MARCHF4: variants seen among roughly 807,000 people sequenced by gnomAD.
MARCHF4 encodes E3 ubiquitin-protein ligase MARCHF4.
Under a neutral mutation model 43.9 loss-of-function variants are expected in MARCHF4, and 14 were observed. The observed-to-expected ratio is 0.32, with a 90% CI of 0.21 to 0.50. The LOEUF is 0.50. MARCHF4 is among the 20% of genes least tolerant of loss of function. The probability of loss-of-function intolerance (pLI) is 0.98; values close to 1 mark genes in which losing one functional copy is unlikely to be tolerated. For synonymous variants in MARCHF4, 226 were observed against 213.3 expected (o/e 1.06, Z -0.52); for missense variants, 468 against 536.7 (o/e 0.87, Z 1.27).
chr2:216,331,983 AAAAAC>A (rs1333705765), intron 1 of MARCHF4, among the ~76,000 whole-genome samples: 1 of 152,230 alleles, frequency 6.6e-6, no homozygotes, highest in African/African-American at 2.4e-5. Context: ...ATAAAACAAT[AAAAAC>A]AAATATGTAA....
chr2:216,364,486 T>C (rs918640041), intron 1 of MARCHF4, among the ~76,000 whole-genome samples: 48 of 152,152 alleles, frequency 3.2e-4, no homozygotes, highest in Admixed American at 3.9e-4. Flanking sequence ...CTCCCCACAG[T>C]GTGAGGAGTC....
intron 1 of MARCHF4, among the ~76,000 whole-genome samples, chr2:216,300,801 G>A (rs1691481893): frequency 6.6e-6 from 1 of 152,132 alleles, no homozygotes; most frequent in Non-Finnish European, 1.5e-5. Context: ...GGAATTTGAA[G>A]ACTAAAGGAA....
At chr2:216,317,194 T>C (rs1691791727) in intron 1 of MARCHF4, among the ~76,000 whole-genome samples, 1 of 152,188 alleles carries the variant, frequency 6.6e-6, no homozygotes, top group African/African-American at 2.4e-5. Context: ...TGCTGGACAA[T>C]TATCTTATGG....
At chr2:216,364,564 G>C (rs1320506020) in intron 1 of MARCHF4, among the ~76,000 whole-genome samples, 2 of 152,200 alleles carry the variant, frequency 1.3e-5, no homozygotes, top group Non-Finnish European at 2.9e-5. Context: ...TGGAATTCCT[G>C]TCCAGACAGC....
intron 1 of MARCHF4, among the ~76,000 whole-genome samples, chr2:216,320,675 C>CTTTCTTTCTTTCTTTCTTTCT: frequency 3.0e-5 from 1 of 33,106 alleles, no homozygotes; most frequent in Non-Finnish European, 5.7e-5. Context: ...TTCTTTCTTT[C>CTTTCTTTCTTTCTTTCTTTCT]TTTTTTTTTT....
intron 3 of MARCHF4, among the ~76,000 whole-genome samples, chr2:216,273,937 C>T (rs975924595): frequency 1.3e-5 from 2 of 152,182 alleles, no homozygotes; most frequent in Non-Finnish European, 2.9e-5. Context: ...ACATTTTCTC[C>T]TTCTCTCAAA....
intron 1 of MARCHF4, among the ~76,000 whole-genome samples, chr2:216,291,211 A>G (rs1024355529): frequency 1.3e-5 from 2 of 152,090 alleles, no homozygotes; most frequent in Admixed American, 1.3e-4. Context: ...GCAAGAGGAC[A>G]TTTTTCCAAA....
chr2:216,316,363 G>A (rs1691776289), intron 1 of MARCHF4, among the ~76,000 whole-genome samples: 1 of 152,136 alleles, frequency 6.6e-6, no homozygotes, highest in African/African-American at 2.4e-5. Flanking sequence ...TAAAACGGAG[G>A]CCCTATCTTC....
intron 1 of MARCHF4, among the ~76,000 whole-genome samples, chr2:216,311,553 C>T (rs1559096184): frequency 6.6e-6 from 1 of 152,166 alleles, no homozygotes; most frequent in Non-Finnish European, 1.5e-5. Flanking sequence ...CCACTGCACT[C>T]GGCCGTAAAT....
At chr2:216,263,082 G>C (rs926083641) in intron 3 of MARCHF4, among the ~76,000 whole-genome samples, 1 of 152,162 alleles carries the variant, frequency 6.6e-6, no homozygotes, top group Non-Finnish European at 1.5e-5. Context: ...TGAGGACTGA[G>C]TAGGCAGCCA....
intron 1 of MARCHF4, among the ~76,000 whole-genome samples, chr2:216,353,984 G>A (rs1357222315): frequency 6.6e-6 from 1 of 152,180 alleles, no homozygotes; most frequent in East Asian, 1.9e-4. Flanking sequence ...CAGACCCTCT[G>A]GTGGCTTCCA....
chr2:216,324,350 G>A (rs1293095395), intron 1 of MARCHF4, among the ~76,000 whole-genome samples: 3 of 146,470 alleles, frequency 2.0e-5, no homozygotes, highest in African/African-American at 7.6e-5. Flanking sequence ...AAGAGTCCAG[G>A]ACCAGATGGA....
At position 216,370,799 on chromosome 2, in the gene MARCHF4, G is replaced by C. The variant is rs1380739939; in HGVS notation, c.-539C>G. ...GAAAACTAGCTCAATGAAGAATTGA[G>C]GACTGCATGTGTGAGAGAGAAAAGA... On this transcript the variant is annotated 5_prime_UTR_variant, in exon 1 of 4. Transcript: ENST00000273067. 1 of 152,334 alleles carries C rather than the reference G, an allele frequency of 6.6e-6. No individual in the cohort carries two copies. The highest frequency in any genetic ancestry group is 1.5e-5 in the Non-Finnish European group (1 of 68,174). The allele number at this position is 152,334 out of a possible 1,614,324, so 9.4% of individuals were successfully genotyped here.
chr2:216,294,412 T>A (rs908575301), intron 1 of MARCHF4, among the ~76,000 whole-genome samples: 2 of 152,268 alleles, frequency 1.3e-5, no homozygotes, highest in African/African-American at 4.8e-5. Context: ...ATGTTGCAAG[T>A]GCAAATGAGC....
At chr2:216,296,024 T>C (rs1177494281) in intron 1 of MARCHF4, among the ~76,000 whole-genome samples, 2 of 152,198 alleles carry the variant, frequency 1.3e-5, no homozygotes, top group Non-Finnish European at 2.9e-5. Flanking sequence ...CAAATGCCTG[T>C]AATCCCAGCT....
intron 1 of MARCHF4, among the ~76,000 whole-genome samples, chr2:216,287,984 C>T (rs544516077): frequency 3.3e-5 from 5 of 151,866 alleles, no homozygotes; most frequent in Non-Finnish European, 7.4e-5. Context: ...CTTTGAGACA[C>T]GATTTCACTC....
chr2:216,303,879 G>C (rs1024775414), intron 1 of MARCHF4, among the ~76,000 whole-genome samples: 14 of 152,186 alleles, frequency 9.2e-5, no homozygotes, highest in African/African-American at 3.4e-4. Flanking sequence ...TAAAGGTGAG[G>C]TAGGCCAAAG....
intron 1 of MARCHF4, among the ~76,000 whole-genome samples, chr2:216,350,563 C>T (rs925099269): frequency 2.0e-5 from 3 of 151,916 alleles, no homozygotes; most frequent in Non-Finnish European, 4.4e-5. Flanking sequence ...TGTGCCACAC[C>T]ACCTCACTGT....
At chr2:216,316,302 T>C (rs186128610) in intron 1 of MARCHF4, among the ~76,000 whole-genome samples, 1 of 152,288 alleles carries the variant, frequency 6.6e-6, no homozygotes. Context: ...GCTGAGAACA[T>C]TCTTAATTGT....
Sources: allele counts gnomAD v4.1 joint callset (sites outside exome capture counted in the v4.1 genomes callset), GRCh38; gene constraint gnomAD v4.1.1; transcripts MANE v1.5; gene names NCBI Gene and HGNC (gene_info 2026-07-23, HGNC 2026-07-21).